The following HDAC9 variants were observed in gnomAD, a reference collection of about 807,000 sequenced individuals.
The protein encoded by HDAC9 is histone deacetylase 9, also known as MEF-2 interacting transcription repressor (MITR) protein.
HDAC9 carries 41 observed loss-of-function variants against 139.4 expected under a neutral mutation model. The observed-to-expected ratio is 0.29, with a 90% CI of 0.23 to 0.38. The LOEUF (loss-of-function observed/expected upper bound fraction) is 0.38. HDAC9 is among the 10% of genes least tolerant of loss of function. HDAC9 has a pLI of 1.00. For missense variants in HDAC9, 1,147 were observed against 1,297.0 expected, an observed-to-expected ratio of 0.88 and a Z score of 1.78; for synonymous variants, 517 against 476.2, an observed-to-expected ratio of 1.09 and a Z score of -1.12.
intron 1 of HDAC9, among the ~76,000 whole-genome samples, chr7:18,089,152 G>T (rs1337168355): frequency 1.3e-5 from 2 of 152,144 alleles, no homozygotes; most frequent in Admixed American, 1.3e-4. Flanking sequence ...ACATAAGGTT[G>T]TGCAGAAGGA....
chr7:18,643,711 C>T (rs1440345320), intron 8 of HDAC9, among the ~76,000 whole-genome samples: 2 of 151,928 alleles, frequency 1.3e-5, no homozygotes, highest in African/African-American at 2.4e-5. Flanking sequence ...AGTCAAAGCC[C>T]GTGTGTGCAA....
intron 14 of HDAC9, among the ~76,000 whole-genome samples, chr7:18,761,921 A>G (rs1789424591): frequency 1.3e-5 from 2 of 152,194 alleles, no homozygotes; most frequent in South Asian, 4.1e-4. Flanking sequence ...TTCCATGCCA[A>G]ATAAGAATAT....
upstream of HDAC9, among the ~76,000 whole-genome samples, chr7:18,490,812 T>C (rs1048364681): frequency 3.3e-5 from 5 of 151,622 alleles, no homozygotes; most frequent in Non-Finnish European, 5.9e-5. Flanking sequence ...GAATGTGAGG[T>C]TGGGAGAAGA....
chr7:18,435,865 G>C (rs1372092520), intron 1 of HDAC9, among the ~76,000 whole-genome samples: 1 of 149,592 alleles, frequency 6.7e-6, no homozygotes, highest in African/African-American at 2.4e-5. Context: ...AGTGAAAAGA[G>C]AGTGATATGC....
intron 6 of HDAC9, among the ~76,000 whole-genome samples, chr7:18,599,105 G>C (rs1833262259): frequency 6.6e-6 from 1 of 152,226 alleles, no homozygotes; most frequent in South Asian, 2.1e-4. Flanking sequence ...TAGGGCCAGA[G>C]TTTTAATTTC....
intron 1 of HDAC9, among the ~76,000 whole-genome samples, chr7:18,140,441 TA>T (rs1785818775): frequency 6.6e-6 from 1 of 152,198 alleles, no homozygotes; most frequent in East Asian, 1.9e-4. Flanking sequence ...CACCGAACTT[TA>T]AAAAAGTCAC....
intron 2 of HDAC9, among the ~76,000 whole-genome samples, chr7:18,577,131 G>A (rs555455727): frequency 6.6e-6 from 1 of 152,270 alleles, no homozygotes; most frequent in African/African-American, 2.4e-5. Flanking sequence ...CAACTAAATA[G>A]GCCAGATTTT....
intron 1 of HDAC9, among the ~76,000 whole-genome samples, chr7:18,088,203 G>C (rs967301646): frequency 2.0e-5 from 3 of 152,184 alleles, no homozygotes; most frequent in African/African-American, 7.2e-5. Context: ...TGTATGTGGG[G>C]TGTGTATGTG....
At chr7:18,634,508 A>C in intron 7 of HDAC9, 119 bp from the exon 8 acceptor site, 1 of 627,346 alleles carries the variant, frequency 1.6e-6, no homozygotes, top group Non-Finnish European at 2.8e-6. Flanking sequence ...TATTTTGTGA[A>C]ATAGTGCTTG....
chr7:18,336,698 A>G (rs1021530255), intron 1 of HDAC9, among the ~76,000 whole-genome samples: 1 of 151,632 alleles, frequency 6.6e-6, no homozygotes, highest in African/African-American at 2.4e-5. Context: ...TTCATGTTTT[A>G]TAAGATGACA....
Position 18,480,850 on chromosome 7 carries a change from C to T in HDAC9, c.-41-15412C>T, listed in dbSNP as rs897898043. On this transcript the variant is annotated intron_variant, in intron 1 of 3. Transcript: ENST00000413509. ...GAAAAAGCCATCAACTGGGCTGCTACATTGCCAACAGGAATCATTTGGAGT... is the reference window on the plus strand; with the variant it reads ...GAAAAAGCCATCAACTGGGCTGCTATATTGCCAACAGGAATCATTTGGAGT... Among the ~76,000 whole-genome samples the T allele has an allele frequency of 2.6e-5, 4 of 152,168 alleles. No individual in the cohort carries two copies. The East Asian group carries it at 7.7e-4, about 29-fold the overall frequency.
intron 13 of HDAC9, among the ~76,000 whole-genome samples, chr7:18,733,923 CAT>C (rs1311211691): frequency 2.6e-5 from 4 of 152,038 alleles, no homozygotes; most frequent in Non-Finnish European, 5.9e-5. Flanking sequence ...GGAGATAAGA[CAT>C]ATTTTGTTAT....
Position 18,771,257 on chromosome 7 carries a change from T to G in HDAC9, c.2214+4102T>G, listed in dbSNP as rs537112806. 3.3e-5 allele frequency among the ~76,000 whole-genome samples: 5 copies of G among 152,262 alleles called. No homozygotes were observed. In the South Asian group the frequency reaches 8.3e-4, roughly 25 times the overall value. ...GCTAGCTTTTTATTACGACTTTTAC[T>G]CTGTTCATATTCTGTTTGGTTACAC... On this transcript the variant is annotated intron_variant, in intron 16 of 25. Transcript: ENST00000686413.
chr7:18,505,591 C>T (rs1586429421), intron 2 of HDAC9, among the ~76,000 whole-genome samples: 1 of 152,228 alleles, frequency 6.6e-6, no homozygotes, highest in South Asian at 2.1e-4. Context: ...TTTACTTTAT[C>T]TTGAGTTAAT....
At chr7:18,651,794 A>ATC (rs1464415817) in intron 11 of HDAC9, among the ~76,000 whole-genome samples, 12 of 152,094 alleles carry the variant, frequency 7.9e-5, no homozygotes, top group Admixed American at 2.6e-4. Context: ...GTGTTCTAAG[A>ATC]TTATTTGCCT....
intron 12 of HDAC9, among the ~76,000 whole-genome samples, chr7:18,693,499 T>A (rs1048658512): frequency 1.3e-5 from 2 of 152,166 alleles, no homozygotes; most frequent in East Asian, 3.8e-4. Context: ...CAATTTACTT[T>A]TAACGAAAAA....
At chr7:18,151,603 A>G (rs1313369763) in intron 1 of HDAC9, among the ~76,000 whole-genome samples, 2 of 152,166 alleles carry the variant, frequency 1.3e-5, no homozygotes, top group African/African-American at 4.8e-5. Flanking sequence ...TTGTACTGTA[A>G]TCATAGTATA....
intron 2 of HDAC9, among the ~76,000 whole-genome samples, chr7:18,545,415 G>T (rs1397709390): frequency 6.6e-6 from 1 of 152,122 alleles, no homozygotes; most frequent in Non-Finnish European, 1.5e-5. Context: ...TGTGAAGTTG[G>T]GTAGTGACCA....
intron 1 of HDAC9, among the ~76,000 whole-genome samples, chr7:18,299,683 G>A (rs1305001161): frequency 6.6e-6 from 1 of 152,176 alleles, no homozygotes; most frequent in African/African-American, 2.4e-5. Context: ...TTGTAAAACA[G>A]GTTGGTGCTG....
Sources: gnomAD v4.1 joint callset for allele counts (sites outside exome capture counted in the v4.1 genomes callset) on GRCh38, gnomAD v4.1.1 for gene constraint, MANE v1.5 for transcripts, NCBI Gene and HGNC (gene_info 2026-07-23, HGNC 2026-07-21) for gene names.